Variants in NELL1 observed in about 807,000 individuals in gnomAD.
The protein encoded by NELL1 is protein kinase C-binding protein NELL1.
NELL1 carries 76 observed loss-of-function variants against 107.4 expected under a neutral mutation model. That is an observed-to-expected ratio of 0.71 (90% CI 0.59 to 0.86). The LOEUF is 0.86. Among genes scored for constraint, NELL1 ranks in the 40% least tolerant of loss-of-function variants. The probability of loss-of-function intolerance (pLI) is 0.00; values close to 1 mark genes in which losing one functional copy is unlikely to be tolerated. For missense variants in NELL1, 1,024 were observed against 1,005.5 expected, an observed-to-expected ratio of 1.02 and a Z score of -0.25; for synonymous variants, 353 against 341.2, an observed-to-expected ratio of 1.03 and a Z score of -0.38.
chr11:21,365,262 C>T lies in NELL1; in HGVS notation c.1550-5591C>T, dbSNP rs1287602488. 2.6e-5 allele frequency among the ~76,000 whole-genome samples: 4 copies of T among 152,122 alleles called. No homozygotes were observed. In the East Asian group the frequency reaches 7.7e-4, roughly 29 times the overall value. On this transcript the variant is annotated intron_variant, in intron 14 of 19. Coordinates refer to ENST00000357134, the MANE Select transcript of NELL1 (RefSeq NM_006157.5). ...TGACTAGTTGTAGACTTCCCAACACCCAGTACATTATCTGCGCATAGTAGG... is the reference window on the plus strand; with the variant it reads ...TGACTAGTTGTAGACTTCCCAACACTCAGTACATTATCTGCGCATAGTAGG...
intron 10 of NELL1, among the ~76,000 whole-genome samples, chr11:20,944,995 A>G (rs2134195534): frequency 6.6e-6 from 1 of 152,292 alleles, no homozygotes; most frequent in African/African-American, 2.4e-5. Context: ...TTTGGAATAT[A>G]GAGGGGAAAA....
At chr11:20,796,650 C>A (rs1360915944) in intron 3 of NELL1, among the ~76,000 whole-genome samples, 2 of 151,996 alleles carry the variant, frequency 1.3e-5, no homozygotes, top group Non-Finnish European at 2.9e-5. Flanking sequence ...GACTATGATC[C>A]GAGTAGACCG....
chr11:21,332,109 C>G (rs1404336597), intron 14 of NELL1, among the ~76,000 whole-genome samples: 1 of 152,042 alleles, frequency 6.6e-6, no homozygotes, highest in East Asian at 1.9e-4. Flanking sequence ...ACTCTCAGCT[C>G]TTACTGATCA....
At chr11:21,212,518 C>G (rs1474864211) in intron 13 of NELL1, among the ~76,000 whole-genome samples, 1 of 152,146 alleles carries the variant, frequency 6.6e-6, no homozygotes, top group Non-Finnish European at 1.5e-5. Context: ...CAATAAAAAA[C>G]TGCTTAGTAG....
chr11:20,756,701 C>T (rs1334445815), intron 2 of NELL1, among the ~76,000 whole-genome samples: 1 of 151,604 alleles, frequency 6.6e-6, no homozygotes, highest in Non-Finnish European at 1.5e-5. Flanking sequence ...ATGCTTTGTG[C>T]ATTAACAGCA....
At chr11:20,777,078 A>C (rs78800106) in intron 2 of NELL1, among the ~76,000 whole-genome samples, 7 of 152,366 alleles carry the variant, frequency 4.6e-5, no homozygotes, top group African/African-American at 7.2e-5. Context: ...TATATCAAGC[A>C]CTGAGATCAC....
In NELL1 at chr11:21,172,922, CTGTGTG is replaced by C. The variant is rs151155423; in HGVS notation, c.1427-56396_1427-56391del. ...CACTCTTTGGCAGGTGTGTGTCTGT[CTGTGTG>C]TGTGTGTGTGTGTATGTGTGTGATG... On this transcript the variant is annotated intron_variant, in intron 13 of 19. Coordinates refer to ENST00000357134, the MANE Select transcript of NELL1 (RefSeq NM_006157.5). Among the ~76,000 whole-genome samples, 232 of 149,230 alleles carry C rather than the reference CTGTGTG, an allele frequency of 1.6e-3. 7 individuals carry two copies. Among genetic ancestry groups the C allele is most frequent in the African/African-American group, 5.4e-3 (219 of 40,254 alleles).
intron 15 of NELL1, among the ~76,000 whole-genome samples, chr11:21,498,350 T>C (rs896748864): frequency 7.0e-6 from 1 of 143,456 alleles, no homozygotes; most frequent in Non-Finnish European, 1.5e-5. Flanking sequence ...TATATATACA[T>C]ATATATATAT....
chr11:20,808,067 C>T (rs1414130518), intron 3 of NELL1, among the ~76,000 whole-genome samples: 3 of 152,156 alleles, frequency 2.0e-5, no homozygotes, highest in African/African-American at 7.2e-5. Context: ...GGTACCTAAG[C>T]TGTAAGACAA....
At chr11:21,127,806 G>A (rs530212618) in intron 13 of NELL1, among the ~76,000 whole-genome samples, 33 of 152,162 alleles carry the variant, frequency 2.2e-4, no homozygotes, top group African/African-American at 7.7e-4. Flanking sequence ...TATTTCATAA[G>A]CATTGCCCAA....
rs1033221384 is a variant in NELL1 at position 21,560,082 on chromosome 11, C to G, written c.1787-107C>G. The G allele has an allele frequency of 4.3e-5, 45 of 1,053,562 alleles. 1 individual carries two copies. In the African/African-American group the frequency reaches 6.5e-4, roughly 15 times the overall value. The allele number at this position is 1,053,562 out of a possible 1,614,324, so 65.3% of individuals were successfully genotyped here. A position where few individuals can be genotyped will look rare whatever the true frequency, so the allele number is the denominator to read the frequency against. On this transcript the variant is annotated intron_variant, in intron 16 of 19. Coordinates refer to ENST00000357134, the MANE Select transcript of NELL1 (RefSeq NM_006157.5). ...GTGAACAGCTTGGCAGTACCTAGCA[C>G]AAGGTAAATGGTCGATGATGTTAGT...
intron 13 of NELL1, among the ~76,000 whole-genome samples, chr11:21,116,353 C>T (rs1407063474): frequency 1.3e-5 from 2 of 151,928 alleles, no homozygotes; most frequent in African/African-American, 2.4e-5. Context: ...GTCCCCTTCC[C>T]CTGTTTACCT....
chr11:21,215,716 A>T (rs1857599093), intron 13 of NELL1, among the ~76,000 whole-genome samples: 1 of 152,190 alleles, frequency 6.6e-6, no homozygotes, highest in Non-Finnish European at 1.5e-5. Flanking sequence ...TCTGCCCTAG[A>T]GATCTTTGGA....
At chr11:21,007,874 G>A (rs1015949610) in intron 12 of NELL1, among the ~76,000 whole-genome samples, 3 of 152,064 alleles carry the variant, frequency 2.0e-5, no homozygotes, top group East Asian at 1.9e-4. Flanking sequence ...AGCTAAAGAT[G>A]TCAATATGAA....
At chr11:20,894,390 C>T (rs1201415970) in intron 5 of NELL1, among the ~76,000 whole-genome samples, 2 of 152,168 alleles carry the variant, frequency 1.3e-5, no homozygotes, top group Non-Finnish European at 1.5e-5. Flanking sequence ...CCCACAAAGG[C>T]CTTTTATCCA....
intron 4 of NELL1, among the ~76,000 whole-genome samples, chr11:20,857,415 G>T (rs574943394): frequency 2.2e-4 from 34 of 152,294 alleles, no homozygotes; most frequent in East Asian, 3.9e-4. Context: ...TAGCTGGCAG[G>T]AGAAGGTGAG....
chr11:21,508,797 G>GAA (rs79949030), intron 15 of NELL1, among the ~76,000 whole-genome samples: 2 of 148,568 alleles, frequency 1.3e-5, no homozygotes, highest in Admixed American at 1.3e-4. Flanking sequence ...CTATGTTAAA[G>GAA]AAAAAAAAAT....
At chr11:21,041,340 T>G (rs1334599023) in intron 12 of NELL1, among the ~76,000 whole-genome samples, 1 of 152,156 alleles carries the variant, frequency 6.6e-6, no homozygotes, top group Non-Finnish European at 1.5e-5. Context: ...TTAATATAAA[T>G]ATAATATCAT....
chr11:20,959,698 C>A (rs1190046726), intron 11 of NELL1, among the ~76,000 whole-genome samples: 4 of 152,114 alleles, frequency 2.6e-5, no homozygotes, highest in Non-Finnish European at 5.9e-5. Flanking sequence ...AGATAAAAGA[C>A]TACAAATTGG....
Sources: allele counts gnomAD v4.1 joint callset (sites outside exome capture counted in the v4.1 genomes callset), GRCh38; gene constraint gnomAD v4.1.1; transcripts MANE v1.5; gene names NCBI Gene and HGNC (gene_info 2026-07-23, HGNC 2026-07-21).